AFF2: variants seen among roughly 807,000 people sequenced by gnomAD.
AFF2 encodes ALF transcription elongation factor 2.
AFF2 carries 14 observed loss-of-function variants against 76.9 expected under a neutral mutation model. That is an observed-to-expected ratio of 0.18 (90% CI 0.12 to 0.28). The LOEUF (loss-of-function observed/expected upper bound fraction) is 0.28. AFF2 is among the 10% of genes least tolerant of loss of function. AFF2 has a pLI of 1.00. For synonymous variants in AFF2, 398 were observed against 366.7 expected (o/e 1.09, Z -0.98); for missense variants, 868 against 1,001.1 (o/e 0.87, Z 1.79).
chrX:148,507,876 A>G lies in AFF2; in HGVS notation c.47+6732A>G, dbSNP rs150979413. Among the ~76,000 whole-genome samples the G allele has an allele frequency of 6.3e-4, 71 of 112,292 alleles. 1 individual carries two copies. The East Asian group carries it at 0.018, about 29-fold the overall frequency. On this transcript the variant is annotated intron_variant, in intron 1 of 20. Coordinates refer to ENST00000370460, the MANE Select transcript of AFF2 (RefSeq NM_002025.4). ...TGACATGATTTAAGCAGAGCTGACA[A>G]TAGCACTATAGCTAGAATGTGATTT...
chrX:148,973,902 T>A (rs1557289864), intron 16 of AFF2, among the ~76,000 whole-genome samples: 3 of 111,955 alleles, frequency 2.7e-5, no homozygotes, highest in African/African-American at 9.7e-5. Flanking sequence ...ATTTTACCGT[T>A]TAGCATTGAC....
At position 148,994,529 on chromosome X, in the gene AFF2, A is replaced by C. The variant is rs1445449170; in HGVS notation, c.*3197A>C. On this transcript the variant is annotated 3_prime_UTR_variant, in exon 21 of 21. Transcript: ENST00000370460. ...GATTAGCTGCTACTACTTTTAAAAG[A>C]CTTAAGGTCGGGATGCCTTTTTTTC... The C allele has an allele frequency of 8.9e-6, 1 of 112,283 alleles. No individual in the cohort carries two copies. Among genetic ancestry groups the C allele is most frequent in the East Asian group, 2.8e-4 (1 of 3,581 alleles). The allele number at this position is 112,283 out of a possible 1,213,427, so 9.3% of individuals were successfully genotyped here.
At chrX:148,728,443 G>A (rs1402597299) in intron 3 of AFF2, among the ~76,000 whole-genome samples, 3 of 112,143 alleles carry the variant, frequency 2.7e-5, no homozygotes, top group Non-Finnish European at 3.8e-5. Flanking sequence ...TTTGGACTTG[G>A]CACAAATTAG....
At chrX:148,617,385 C>T (rs2053821749) in intron 1 of AFF2, among the ~76,000 whole-genome samples, 1 of 111,996 alleles carries the variant, frequency 8.9e-6, no homozygotes, top group African/African-American at 3.2e-5. Flanking sequence ...TTGAAAGTGT[C>T]TGTTCATATC....
chrX:148,810,206 A>C (rs1353061728), intron 4 of AFF2, among the ~76,000 whole-genome samples: 1 of 112,145 alleles, frequency 8.9e-6, no homozygotes, highest in Non-Finnish European at 1.9e-5. Context: ...TCCCTGTTCA[A>C]GCACCATACC....
At chrX:148,985,526 G>A (rs934281431) in intron 19 of AFF2, among the ~76,000 whole-genome samples, 2 of 109,161 alleles carry the variant, frequency 1.8e-5, no homozygotes, top group Non-Finnish European at 1.9e-5. Flanking sequence ...AATTACAGAC[G>A]AGAAAGTCTT....
At chrX:148,505,949 G>A (rs922225509) in intron 1 of AFF2, among the ~76,000 whole-genome samples, 3 of 95,368 alleles carry the variant, frequency 3.1e-5, no homozygotes, top group African/African-American at 1.2e-4. Context: ...TTTTGAGTGT[G>A]TGTGTCTGTG....
At chrX:148,669,358 G>A (rs1370353074) in intron 3 of AFF2, among the ~76,000 whole-genome samples, 1 of 111,684 alleles carries the variant, frequency 9.0e-6, no homozygotes, top group African/African-American at 3.3e-5. Context: ...ACATTTTCAT[G>A]TATCTTTTCA....
intron 3 of AFF2, among the ~76,000 whole-genome samples, chrX:148,727,841 C>G (rs2055178530): frequency 8.9e-6 from 1 of 111,777 alleles, no homozygotes; most frequent in Non-Finnish European, 1.9e-5. Flanking sequence ...TTCTTTATAG[C>G]CTTATAGTGT....
intron 1 of AFF2, among the ~76,000 whole-genome samples, chrX:148,607,074 G>T (rs2053679464): frequency 9.0e-6 from 1 of 111,032 alleles, no homozygotes; most frequent in Non-Finnish European, 1.9e-5. Context: ...AGAAAATTGA[G>T]ACCTTACTAT....
At chrX:148,872,741 G>T (rs782254866) in intron 7 of AFF2, among the ~76,000 whole-genome samples, 101 of 111,751 alleles carry the variant, frequency 9.0e-4, no homozygotes, top group African/African-American at 3.0e-3. Flanking sequence ...TGCCAGTATG[G>T]TTGGGTTCTC....
intron 7 of AFF2, among the ~76,000 whole-genome samples, chrX:148,871,047 G>C (rs1019192624): frequency 9.0e-6 from 1 of 111,371 alleles, no homozygotes; most frequent in Non-Finnish European, 1.9e-5. Flanking sequence ...AGGGCAGTAT[G>C]TGTGCTGTGT....
intron 1 of AFF2, among the ~76,000 whole-genome samples, chrX:148,548,182 G>A (rs1229002908): frequency 1.8e-5 from 2 of 112,178 alleles, no homozygotes; most frequent in East Asian, 5.6e-4. Context: ...CTCCTTGGTA[G>A]TAGGAGTAAG....
At chrX:148,736,099 C>T (rs2055281548) in intron 3 of AFF2, among the ~76,000 whole-genome samples, 1 of 111,767 alleles carries the variant, frequency 8.9e-6, no homozygotes, top group Admixed American at 9.5e-5. Flanking sequence ...TATCTTTTTC[C>T]TATAATGATC....
intron 8 of AFF2, among the ~76,000 whole-genome samples, chrX:148,888,821 A>T (rs927539091): frequency 6.3e-5 from 7 of 111,460 alleles, no homozygotes; most frequent in Non-Finnish European, 9.4e-5. Flanking sequence ...AGAATTGCGG[A>T]GTCATTCCAT....
chrX:148,565,053 T>C (rs1313838246), intron 1 of AFF2, among the ~76,000 whole-genome samples: 2 of 111,428 alleles, frequency 1.8e-5, no homozygotes, highest in African/African-American at 6.5e-5. Context: ...GAAGAAAGAG[T>C]ATGATGCTTG....
At chrX:148,903,131 C>G (rs991504509) in intron 8 of AFF2, among the ~76,000 whole-genome samples, 4 of 111,610 alleles carry the variant, frequency 3.6e-5, no homozygotes, top group Non-Finnish European at 7.5e-5. Context: ...GATCCCCAAA[C>G]AGATACTTTT....
Position 148,518,009 on chromosome X carries a change from C to G in AFF2, c.47+16865C>G, listed in dbSNP as rs782776069. 3.5e-3 allele frequency among the ~76,000 whole-genome samples: 341 copies of G among 98,076 alleles called. 3 individuals are homozygous for G. The highest frequency in any genetic ancestry group is 0.013 in the African/African-American group (327 of 26,156). 85.2% of individuals were successfully genotyped at this position (98,076 alleles called of 115,157 possible). A position where few individuals can be genotyped will look rare whatever the true frequency, so the allele number is the denominator to read the frequency against. On this transcript the variant is annotated intron_variant, in intron 1 of 20. Transcript: ENST00000370460. ...CTGCACTCCAGCCTGGGCGACAGTGCATGACTCCGTCTCAAAAAAAAAAAA... is the reference window on the plus strand; with the variant it reads ...CTGCACTCCAGCCTGGGCGACAGTGGATGACTCCGTCTCAAAAAAAAAAAA...
Position 148,662,608 on chromosome X carries a change from G to T in AFF2, c.881G>T (p.Gly294Val). 8.3e-7 allele frequency: 1 copy of T among 1,211,444 alleles called. No individual in the cohort carries two copies. The highest frequency in any genetic ancestry group is 1.1e-6 in the Non-Finnish European group (1 of 895,510). The change falls in exon 3 of 21, where the codon GGC (glycine) becomes GTC (valine). Residue 294 changes from glycine (G) to valine (V), a missense_variant. This residue lies in a region of AFF2 where 532 missense variants were observed against 564.2 expected (regional missense o/e 0.94). Coordinates refer to ENST00000370460, the MANE Select transcript of AFF2 (RefSeq NM_002025.4). ...ACTGCATACGTCAGACCCATGGATG[G>T]CCAGGACCAGGCACCGGACATCTCA... ...KPTAYVRPMD[G>V]QDQAPDISPT...
Sources: gnomAD v4.1 joint callset for allele counts (sites outside exome capture counted in the v4.1 genomes callset) on GRCh38, gnomAD v4.1.1 for gene constraint, gnomAD v4.1.1 regional missense constraint, MANE v1.5 for transcripts, NCBI Gene and HGNC (gene_info 2026-07-23, HGNC 2026-07-21) for gene names.